PIEZO1: variants seen among roughly 807,000 people sequenced by gnomAD.
The protein encoded by PIEZO1 is piezo-type mechanosensitive ion channel component 1.
PIEZO1 carries 296 observed loss-of-function variants against 297.2 expected under a neutral mutation model. The observed-to-expected ratio is 1.00, with a 90% CI of 0.91 to 1.10. The LOEUF (loss-of-function observed/expected upper bound fraction) is 1.10, where lower values mean the gene tolerates loss of function less well. Among genes scored for constraint, PIEZO1 ranks in the 50% least tolerant of loss-of-function variants. The probability of loss-of-function intolerance (pLI) is 0.00; values close to 1 mark genes in which losing one functional copy is unlikely to be tolerated. For synonymous variants in PIEZO1, 2,427 were observed against 1,507.5 expected, an observed-to-expected ratio of 1.61 and a Z score of -14.13; for missense variants, 5,018 against 3,455.5, an observed-to-expected ratio of 1.45 and a Z score of -11.34.
intron 1 of PIEZO1, among the ~76,000 whole-genome samples, chr16:88,766,840 G>C (rs1380542844): frequency 1.3e-5 from 2 of 152,202 alleles, no homozygotes; most frequent in African/African-American, 4.8e-5. Context: ...ATCACCTCAG[G>C]CCACGAGGGC....
intron 1 of PIEZO1, among the ~76,000 whole-genome samples, chr16:88,770,231 C>T (rs1056169657): frequency 5.3e-5 from 8 of 152,220 alleles, no homozygotes; most frequent in African/African-American, 9.6e-5. Context: ...CCCCACAGGA[C>T]GCCTGGCAGG....
rs926467594 is a variant in PIEZO1, at chr16:88,715,386, ACT to A, written c.*217_*218del. 20 of 1,064,446 alleles carry A rather than the reference ACT, an allele frequency of 1.9e-5. No individual in the cohort carries two copies. Among genetic ancestry groups the A allele is most frequent in the African/African-American group, 4.8e-5 (3 of 62,514 alleles). The allele number at this position is 1,064,446 out of a possible 1,614,324, so 65.9% of individuals were successfully genotyped here. Reference sequence around the variant, plus strand: ...AAAACATTTTTTAATTAAAAAAAAAACTCTACAGTACACGTGGGGGACGGCAG... The same window carrying A: ...AAAACATTTTTTAATTAAAAAAAAAACTACAGTACACGTGGGGGACGGCAG... On this transcript the variant is annotated 3_prime_UTR_variant, in exon 51 of 51. Coordinates refer to ENST00000301015, the MANE Select transcript of PIEZO1 (RefSeq NM_001142864.4).
intron 2 of PIEZO1, chr16:88,744,406 G>C (rs143676879): frequency 6.6e-6 from 1 of 152,100 alleles, no homozygotes; most frequent in Non-Finnish European, 1.5e-5. Context: ...TGGGGCTCCT[G>C]CTGGGGCTGT....
At position 88,716,073 on chromosome 16, in the gene PIEZO1, C is replaced by T. The variant is rs1912001540; in HGVS notation, c.7176G>A (p.Glu2392=). ...GGAAGCCGGTGGCCCCCGCACCCTG[C>T]TCCCTCCGCAGCTGGATACGCACGC... is the stretch of plus-strand genomic sequence containing the variant. ...YLGVRIQLRR[E]QGAGATGFLE... is the part of the protein sequence containing the mutation. The change falls in exon 50 of 51, where the codon GAG becomes GAA. Residue 2392 remains glutamate, a synonymous_variant. Coordinates refer to ENST00000301015, the MANE Select transcript of PIEZO1 (RefSeq NM_001142864.4). The T allele has an allele frequency of 6.5e-7, 1 of 1,549,976 alleles. No individual in the cohort carries two copies. The highest frequency in any genetic ancestry group is 2.4e-5 in the East Asian group (1 of 40,908).
Position 88,732,342 on chromosome 16 carries a change from C to T in PIEZO1, c.2984G>A (p.Gly995Glu). Residue 995 changes from glycine (G) to glutamate (E), a missense_variant, in exon 21 of 51, where the codon GGG becomes GAG. By Grantham distance (98) the Gly-to-Glu change is moderately conservative (BLOSUM62 -2). Coordinates refer to ENST00000301015, the MANE Select transcript of PIEZO1 (RefSeq NM_001142864.4). Reference protein sequence around the residue: ...YFINFFFYKFGLEICFLMAVN... With the variant: ...YFINFFFYKFELEICFLMAVN... ...GCAATGTCCTTGCCTCACCTCCAGC[C>T]CGAATTTGTAGAAGAAGAAGTTGAT... 1 of 1,549,314 alleles carries T rather than the reference C, an allele frequency of 6.5e-7. No homozygotes were observed. Among genetic ancestry groups the T allele is most frequent in the Non-Finnish European group, 8.7e-7 (1 of 1,146,204 alleles).
In PIEZO1 at chr16:88,717,032, G is replaced by T. The variant is rs117669855; in HGVS notation, c.6651C>A (p.Gly2217=). 0.013 allele frequency: 20,103 copies of T among 1,550,464 alleles called. 192 individuals are homozygous for T. Among genetic ancestry groups the T allele is most frequent in the Non-Finnish European group, 0.016 (18,783 of 1,146,864 alleles). ...PIDVTVTLKL[G]GYEPLFTMSA... ...ACCCACACATGCTCACCTCATAGCC[G>T]CCCAGCTTCAGGGTGACGGTGACAT... The change falls in exon 45 of 51, where the codon GGC becomes GGA. Residue 2217 remains glycine (G), a synonymous_variant. Transcript: ENST00000301015.
In PIEZO1 at chr16:88,733,753, GGT is replaced by G; in HGVS notation, c.2330-10_2330-9del. 2 of 1,538,234 alleles carry G rather than the reference GGT, an allele frequency of 1.3e-6. No individual in the cohort carries two copies. Among genetic ancestry groups the G allele is most frequent in the Non-Finnish European group, 8.8e-7 (1 of 1,140,324 alleles). On this transcript the variant is annotated splice_polypyrimidine_tract_variant and intron_variant, in intron 17 of 50. Coordinates refer to ENST00000301015, the MANE Select transcript of PIEZO1 (RefSeq NM_001142864.4). ...GGCCCCACTTGGCTGCCCCTGTGAT[GGT>G]GTGAGGGTCAGTGCGGGGCACAAAC...
intron 13 of PIEZO1, 21 bp from the exon 14 acceptor site, chr16:88,735,074 A>C: frequency 6.5e-7 from 1 of 1,550,118 alleles, no homozygotes; most frequent in Non-Finnish European, 8.7e-7. Flanking sequence ...AGCCAGGGGC[A>C]GGCGATGGCA....
Position 88,731,803 on chromosome 16 carries a change from G to A in PIEZO1, c.3099C>T (p.Ala1033=), listed in dbSNP as rs1904831178. The A allele has an allele frequency of 1.9e-6, 3 of 1,547,802 alleles. No homozygotes were observed. Among genetic ancestry groups the A allele is most frequent in the Non-Finnish European group, 2.6e-6 (3 of 1,146,046 alleles). ...VAILTRRHRQ[A]IARLWPNYCL... ...AGTAGTTGGGCCAGAGGCGGGCAAT[G>A]GCCTGGCGGTGCCTGCGGGTGAGGA... Residue 1033 remains alanine, a synonymous_variant, in exon 22 of 51, where the codon GCC becomes GCT. Transcript: ENST00000301015.
chr16:88,726,351 C>A lies in PIEZO1; in HGVS notation c.3901G>T (p.Val1301Phe). ...CFFFLLLQRR[V>F]FLSHYYLHVR... ...TGCAGGTAGTAATGGCTAAGGAAGA[C>A]GCGGCGCTGCAGCAGCAGGAAGAAG... The change falls in exon 27 of 51, where the codon GTC becomes TTC. Residue 1301 changes from valine to phenylalanine, a missense_variant. By Grantham distance (50) the Val-to-Phe change is conservative. Coordinates refer to ENST00000301015, the MANE Select transcript of PIEZO1 (RefSeq NM_001142864.4). 6.4e-7 allele frequency: 1 copy of A among 1,550,410 alleles called. No homozygotes were observed. Among genetic ancestry groups the A allele is most frequent in the Non-Finnish European group, 8.7e-7 (1 of 1,146,932 alleles).
At chr16:88,748,243 T>C (rs554368645) in intron 2 of PIEZO1, among the ~76,000 whole-genome samples, 9 of 23,960 alleles carry the variant, frequency 3.8e-4, no homozygotes, top group Non-Finnish European at 7.7e-4. Context: ...CCCATGGCCT[T>C]TGGGGACAGG....
At position 88,727,086 on chromosome 16, in the gene PIEZO1, C is replaced by T. The variant is rs1323953194; in HGVS notation, c.3408G>A (p.Glu1136=). ...RMAGVNTDRL[E]PLRGEPNPVP... ...CGGGGTTGGGCTCCCCCCGCAGCGG[C>T]TCCAGGCGGTCGGTGTTGACGCCAG... The change falls in exon 24 of 51, where the codon GAG becomes GAA. Residue 1136 remains glutamate (E), a synonymous_variant. Coordinates refer to ENST00000301015, the MANE Select transcript of PIEZO1 (RefSeq NM_001142864.4). 10 of 1,549,752 alleles carry T rather than the reference C, an allele frequency of 6.5e-6. No homozygotes were observed. The highest frequency in any genetic ancestry group is 8.7e-6 in the Non-Finnish European group (10 of 1,146,616).
chr16:88,770,612 G>C (rs1390923385), intron 1 of PIEZO1, among the ~76,000 whole-genome samples: 1 of 152,206 alleles, frequency 6.6e-6, no homozygotes, highest in Non-Finnish European at 1.5e-5. Context: ...CCCTCAGCCT[G>C]AACACGGTCC....
chr16:88,716,054 C>G lies in PIEZO1; in HGVS notation c.7195G>C (p.Gly2399Arg). The G allele has an allele frequency of 3.9e-6, 6 of 1,550,238 alleles. 1 individual carries two copies. The South Asian group carries it at 5.9e-5, about 15-fold the overall frequency. ...LRREQGAGAT[G>R]FLEWWVIELQ... The stretch of plus-strand genomic sequence containing the variant: ...TCGATGACCCACCATTCGAGGAAGC[C>G]GGTGGCCCCCGCACCCTGCTCCCTC... The change falls in exon 50 of 51, where the codon GGC becomes CGC. Residue 2399 changes from glycine (G) to arginine (R), a missense_variant. Physicochemically the swap from Gly to Arg is moderately radical, Grantham distance 125. Transcript: ENST00000301015.
In PIEZO1 at chr16:88,721,104, C is replaced by G. The variant is rs1016643566; in HGVS notation, c.5668+62G>C. On this transcript the variant is annotated intron_variant, in intron 39 of 50. Coordinates refer to ENST00000301015, the MANE Select transcript of PIEZO1 (RefSeq NM_001142864.4). ...GCCGTCTCATCTGAGAAAGACCCTC[C>G]CTGCAGTAGCCCCACTCAGAAAACT... 33 of 1,414,426 alleles carry G rather than the reference C, an allele frequency of 2.3e-5. No homozygotes were observed. The East Asian group carries it at 4.5e-4, about 19-fold the overall frequency. 87.6% of individuals were successfully genotyped at this position (1,414,426 alleles called of 1,614,324 possible).
At position 88,723,256 on chromosome 16, in the gene PIEZO1, T is replaced by C. The variant is rs933424793; in HGVS notation, c.4408A>G (p.Arg1470Gly). Residue 1470 changes from arginine to glycine, a missense_variant, in exon 32 of 51, where the codon AGG (arginine) becomes GGG (glycine). Transcript: ENST00000301015. ...GGTAGCTGTCCTGCCTGTTCCTGCC[T>C]TGCCTGCTCCTGCTCCTGCTGCCGC... ...RRRQQEQEQA[R>G]QEQAGQLPTG... The C allele has an allele frequency of 6.7e-7, 1 of 1,492,882 alleles. No homozygotes were observed. Among genetic ancestry groups the C allele is most frequent in the African/African-American group, 1.5e-5 (1 of 67,436 alleles). 92.5% of individuals were successfully genotyped at this position (1,492,882 alleles called of 1,614,324 possible). A position where few individuals can be genotyped will look rare whatever the true frequency, so the allele number is the denominator to read the frequency against.
At chr16:88,747,221 AC>A (rs1906107354) in intron 2 of PIEZO1, among the ~76,000 whole-genome samples, 1 of 131,654 alleles carries the variant, frequency 7.6e-6, no homozygotes, top group African/African-American at 2.9e-5. Context: ...ACCAAGCAAG[AC>A]CCCCACTCGA....
In PIEZO1 at chr16:88,737,761, C is replaced by A; in HGVS notation, c.1074G>T (p.Leu358=). The change falls in exon 9 of 51, where the codon CTG becomes CTT. Residue 358 remains leucine, a synonymous_variant. Coordinates refer to ENST00000301015, the MANE Select transcript of PIEZO1 (RefSeq NM_001142864.4). ...ACTCCCGTTCCTGGGGCCACTGGTC[C>A]AGCTCTGCTAGCTCCAGCTCCCGAG... The part of the protein sequence containing the change: ...YEARELELAE[L]DQWPQERESD... 6.5e-7 allele frequency: 1 copy of A among 1,535,778 alleles called. No homozygotes were observed. The highest frequency in any genetic ancestry group is 1.2e-5 in the South Asian group (1 of 84,064).
chr16:88,734,207 C>A, intron 16 of PIEZO1, 149 bp downstream of exon 16: 1 of 1,178,088 alleles, frequency 8.5e-7, no homozygotes, highest in Non-Finnish European at 1.2e-6. Context: ...CCTGTGACCT[C>A]CACGCTACTG....
Sources: allele counts gnomAD v4.1 joint callset (sites outside exome capture counted in the v4.1 genomes callset), GRCh38; gene constraint gnomAD v4.1.1; transcripts MANE v1.5; gene names NCBI Gene and HGNC (gene_info 2026-07-23, HGNC 2026-07-21).